The following PPARGC1A variants were observed in gnomAD, a reference collection of about 807,000 sequenced individuals.
The protein encoded by PPARGC1A is peroxisome proliferator-activated receptor gamma coactivator 1-alpha.
PPARGC1A carries 25 observed loss-of-function variants against 88.7 expected under a neutral mutation model. The ratio of observed to expected loss-of-function variants is 0.28; its 90% CI spans 0.21 to 0.39. The LOEUF (loss-of-function observed/expected upper bound fraction) is 0.39, where lower values mean the gene tolerates loss of function less well. PPARGC1A is among the 10% of genes least tolerant of loss of function. The pLI, the probability that PPARGC1A is intolerant of heterozygous loss-of-function variation, is 1.00. For missense variants in PPARGC1A, 880 were observed against 968.7 expected, an observed-to-expected ratio of 0.91 and a Z score of 1.22; for synonymous variants, 363 against 355.6, an observed-to-expected ratio of 1.02 and a Z score of -0.24.
At chr4:23,824,769 CA>C (rs1280414121) in intron 5 of PPARGC1A, among the ~76,000 whole-genome samples, 1 of 152,018 alleles carries the variant, frequency 6.6e-6, no homozygotes, top group African/African-American at 2.4e-5. Flanking sequence ...GTTACAGATA[CA>C]AAATTTGCAT....
chr4:24,018,219 C>T, the PPARGC1A span, among the ~76,000 whole-genome samples: 1 of 152,094 alleles, frequency 6.6e-6, no homozygotes, highest in Admixed American at 6.5e-5. Flanking sequence ...GGATTTAGAC[C>T]CAACTATTTC....
the PPARGC1A span, among the ~76,000 whole-genome samples, chr4:24,461,752 G>C: frequency 0.04 from 6,117 of 152,098 alleles, 165 homozygotes; most frequent in Non-Finnish European, 0.056. Context: ...CTCTCGGCAG[G>C]TATTCCTTGA....
At chr4:24,082,295 A>C in the PPARGC1A span, among the ~76,000 whole-genome samples, 1 of 152,162 alleles carries the variant, frequency 6.6e-6, no homozygotes, top group African/African-American at 2.4e-5. Context: ...TCAAAATTTA[A>C]AGGCTAAAGG....
At chr4:24,123,910 CAA>C in the PPARGC1A span, among the ~76,000 whole-genome samples, 78 of 123,436 alleles carry the variant, frequency 6.3e-4, no homozygotes, top group South Asian at 2.1e-3. Context: ...TCTAAGTTGG[CAA>C]AAAAAAAAAA....
chr4:24,084,373 C>A, the PPARGC1A span, among the ~76,000 whole-genome samples: 2 of 152,344 alleles, frequency 1.3e-5, no homozygotes, highest in Admixed American at 6.5e-5. Context: ...TTGAGAGCAA[C>A]AGCCGCAGGC....
At chr4:23,826,725 C>T (rs966776583) in intron 5 of PPARGC1A, among the ~76,000 whole-genome samples, 3 of 152,018 alleles carry the variant, frequency 2.0e-5, no homozygotes, top group African/African-American at 7.2e-5. Flanking sequence ...GTCTGTTTGT[C>T]AACAGGTTTT....
chr4:24,303,454 C>G, the PPARGC1A span, among the ~76,000 whole-genome samples: 1 of 152,142 alleles, frequency 6.6e-6, no homozygotes, highest in Non-Finnish European at 1.5e-5. Context: ...CATCACACTC[C>G]CATCTTTTCA....
the PPARGC1A span, among the ~76,000 whole-genome samples, chr4:24,345,242 T>C: frequency 6.7e-6 from 1 of 150,352 alleles, no homozygotes; most frequent in South Asian, 2.1e-4. Flanking sequence ...ATGTGGGTTC[T>C]CTTTTGGTTC....
chr4:24,147,814 T>C, the PPARGC1A span, among the ~76,000 whole-genome samples: 1 of 152,074 alleles, frequency 6.6e-6, no homozygotes, highest in African/African-American at 2.4e-5. Flanking sequence ...GGACATGGTG[T>C]GCACCTGTAG....
the PPARGC1A span, among the ~76,000 whole-genome samples, chr4:24,177,902 A>C: frequency 1.3e-5 from 2 of 152,180 alleles, no homozygotes; most frequent in Non-Finnish European, 2.9e-5. Flanking sequence ...CTTATGTGGA[A>C]TTATGCAGAT....
the PPARGC1A span, among the ~76,000 whole-genome samples, chr4:23,946,994 G>T: frequency 1.3e-5 from 2 of 152,028 alleles, no homozygotes; most frequent in Non-Finnish European, 2.9e-5. Flanking sequence ...AGGTTGGTAC[G>T]AAATTTGATT....
chr4:23,962,026 G>T, the PPARGC1A span, among the ~76,000 whole-genome samples: 9 of 152,182 alleles, frequency 5.9e-5, no homozygotes, highest in African/African-American at 2.2e-4. Context: ...AAACCCTCTG[G>T]CCAGTACGAA....
the PPARGC1A span, among the ~76,000 whole-genome samples, chr4:24,081,697 AG>A: frequency 3.3e-5 from 5 of 152,134 alleles, no homozygotes; most frequent in African/African-American, 1.2e-4. Context: ...TTTTATAGGA[AG>A]GGGACAATTG....
At chr4:23,914,245 A>G in the PPARGC1A span, among the ~76,000 whole-genome samples, 1 of 152,182 alleles carries the variant, frequency 6.6e-6, no homozygotes, top group East Asian at 1.9e-4. Flanking sequence ...GCATTTATTT[A>G]CTGATTCTCT....
At chr4:24,375,013 T>TAAAAAAAAA in the PPARGC1A span, among the ~76,000 whole-genome samples, 1 of 127,442 alleles carries the variant, frequency 7.8e-6, no homozygotes, top group Non-Finnish European at 1.7e-5. Flanking sequence ...CCCCCCACCC[T>TAAAAAAAAA]AAAAAAAAAA....
the PPARGC1A span, among the ~76,000 whole-genome samples, chr4:24,013,792 T>C: frequency 6.6e-6 from 1 of 152,218 alleles, no homozygotes; most frequent in African/African-American, 2.4e-5. Context: ...AGTCAATTCG[T>C]ACCTAAGGAA....
chr4:23,979,669 C>T, the PPARGC1A span, among the ~76,000 whole-genome samples: 7 of 152,066 alleles, frequency 4.6e-5, no homozygotes, highest in Non-Finnish European at 8.8e-5. Context: ...CACAACCCTG[C>T]GGGGGGGACA....
chr4:23,995,340 T>A, the PPARGC1A span, among the ~76,000 whole-genome samples: 1 of 152,190 alleles, frequency 6.6e-6, no homozygotes, highest in Admixed American at 6.5e-5. Flanking sequence ...TGCCATGTGC[T>A]TATTCTCCTT....
At chr4:23,845,517 C>G (rs1018913816) in intron 2 of PPARGC1A, among the ~76,000 whole-genome samples, 5 of 152,058 alleles carry the variant, frequency 3.3e-5, no homozygotes, top group African/African-American at 7.2e-5. Flanking sequence ...AGAAAATTGT[C>G]TCAAGGTGGT....
Sources: gnomAD v4.1 joint callset for allele counts (sites outside exome capture counted in the v4.1 genomes callset) on GRCh38, gnomAD v4.1.1 for gene constraint, MANE v1.5 for transcripts, NCBI Gene and HGNC (gene_info 2026-07-23, HGNC 2026-07-21) for gene names.